Variants in CD58 observed in about 807,000 individuals in gnomAD.
CD58 encodes the protein CD58 molecule, also known as lymphocyte function-associated antigen 3.
CD58 carries 14 observed loss-of-function variants against 27.6 expected under a neutral mutation model. That is an observed-to-expected ratio of 0.51 (90% CI 0.34 to 0.79). The LOEUF (loss-of-function observed/expected upper bound fraction) is 0.79, where lower values mean the gene tolerates loss of function less well. Among genes scored for constraint, CD58 ranks in the 30% least tolerant of loss-of-function variants. CD58 has a pLI of 0.02. For synonymous variants in CD58, 117 were observed against 103.8 expected (o/e 1.13, Z -0.77); for missense variants, 268 against 301.7 (o/e 0.89, Z 0.83).
chr1:116,520,706 T>C (rs1247413636), intron 4 of CD58, among the ~76,000 whole-genome samples: 1 of 152,108 alleles, frequency 6.6e-6, no homozygotes, highest in Non-Finnish European at 1.5e-5. Context: ...ATTTGGGGAT[T>C]AAAATAGATT....
intron 2 of CD58, among the ~76,000 whole-genome samples, chr1:116,543,171 G>A (rs1436099383): frequency 6.6e-6 from 1 of 152,172 alleles, no homozygotes; most frequent in African/African-American, 2.4e-5. Flanking sequence ...AAAGGAGCAA[G>A]GAAGCTAAGT....
chr1:116,535,952 G>C lies in CD58; in HGVS notation c.628+13C>G. 6.3e-7 allele frequency: 1 copy of C among 1,581,472 alleles called. No individual in the cohort carries two copies. The highest frequency in any genetic ancestry group is 8.6e-7 in the Non-Finnish European group (1 of 1,160,688). On this transcript the variant is annotated intron_variant, in intron 3 of 5. Coordinates refer to ENST00000369489, the MANE Select transcript of CD58 (RefSeq NM_001779.3). ...TCTGAAAGCCTCCATGACACATTTA[G>C]TTATTTACTCACCGCTGCTTGGGAT...
chr1:116,539,187 G>A (rs976142548), intron 2 of CD58, among the ~76,000 whole-genome samples: 2 of 152,172 alleles, frequency 1.3e-5, no homozygotes, highest in Non-Finnish European at 2.9e-5. Flanking sequence ...AGCTGTAATA[G>A]AGCACACGGC....
Position 116,563,620 on chromosome 1 carries a change from C to T in CD58, c.70+7283G>A, listed in dbSNP as rs991428939. 6.6e-6 allele frequency among the ~76,000 whole-genome samples: 1 copy of T among 152,244 alleles called. No homozygotes were observed. Among genetic ancestry groups the T allele is most frequent in the Non-Finnish European group, 1.5e-5 (1 of 68,036 alleles). Reference sequence around the variant, plus strand: ...GACTTCTGTGCATCCACAGGCCCAACACCACATGTAAGCCACCAAGGCTTA... The same window carrying T: ...GACTTCTGTGCATCCACAGGCCCAATACCACATGTAAGCCACCAAGGCTTA... On this transcript the variant is annotated intron_variant, in intron 1 of 5. Transcript: ENST00000369489. The surrounding 1 kb of genome is among the most constrained non-coding windows in gnomAD (Gnocchi z 4.1).
chr1:116,546,475 G>C lies in CD58; in HGVS notation c.71-1871C>G, dbSNP rs974668845. Among the ~76,000 whole-genome samples the C allele has an allele frequency of 3.9e-5, 6 of 152,168 alleles. No individual in the cohort carries two copies. The East Asian group carries it at 1.2e-3, about 29-fold the overall frequency. ...TATGCATTATTTCCTCCACTCAACA[G>C]AGTATGTGGGAAGGCACAAGAAAAA... On this transcript the variant is annotated intron_variant, in intron 1 of 5. Transcript: ENST00000369489. The surrounding 1 kb of genome is among the most constrained non-coding windows in gnomAD (Gnocchi z 4.1).
rs574737383 is a variant in CD58, at chr1:116,564,252, T to C, written c.70+6651A>G. The stretch of plus-strand genomic sequence containing the variant: ...TCCAGTTCCCAACAATTGTTCCTCA[T>C]CTCCATCTGAGATGAGCAGCATTTG... On this transcript the variant is annotated intron_variant, in intron 1 of 5. Transcript: ENST00000369489. Among the ~76,000 whole-genome samples, 13 of 152,302 alleles carry C rather than the reference T, an allele frequency of 8.5e-5. No individual in the cohort carries two copies. The South Asian group carries it at 2.7e-3, about 32-fold the overall frequency.
In CD58 at chr1:116,517,110, C is replaced by T. The variant is rs771525368; in HGVS notation, c.743+2121G>A. On this transcript the variant is annotated intron_variant, in intron 5 of 5. Transcript: ENST00000369489. This position sits in a 1 kb window ranked among gnomAD's most constrained non-coding sequence, Gnocchi z 6.5. ...TCATTGGTAGTGATGGCTATGCCTC[C>T]CCCATCCACTCAGAGTTCCCCTCCA... Among the ~76,000 whole-genome samples the T allele has an allele frequency of 7.9e-5, 12 of 152,060 alleles. No homozygotes were observed. The highest frequency in any genetic ancestry group is 1.0e-4 in the Non-Finnish European group (7 of 68,010).
chr1:116,529,534 C>CT (rs1446221112), intron 3 of CD58, among the ~76,000 whole-genome samples: 1 of 152,196 alleles, frequency 6.6e-6, no homozygotes, highest in East Asian at 1.9e-4. Flanking sequence ...AGACACAGTG[C>CT]TTTGAGTTCA....
chr1:116,548,413 G>C (rs1252028548), intron 1 of CD58, among the ~76,000 whole-genome samples: 1 of 152,136 alleles, frequency 6.6e-6, no homozygotes, highest in Non-Finnish European at 1.5e-5. Flanking sequence ...TTATCTTCTA[G>C]AATTTTTATG....
chr1:116,525,520 A>G (rs761509597), intron 3 of CD58, among the ~76,000 whole-genome samples: 24 of 152,242 alleles, frequency 1.6e-4, no homozygotes, highest in Non-Finnish European at 3.1e-4. Context: ...TTATGTCAAC[A>G]TAAGTTTTTA....
rs892062335 is a variant in CD58 at position 116,517,128 on chromosome 1, C to T, written c.743+2103G>A. On this transcript the variant is annotated intron_variant, in intron 5 of 5. Coordinates refer to ENST00000369489, the MANE Select transcript of CD58 (RefSeq NM_001779.3). The surrounding 1 kb of genome is among the most constrained non-coding windows in gnomAD (Gnocchi z 6.5). ...ATGCCTCCCCCATCCACTCAGAGTTCCCCTCCACTGTAACCACCTAGATCT... is the reference window on the plus strand; with the variant it reads ...ATGCCTCCCCCATCCACTCAGAGTTTCCCTCCACTGTAACCACCTAGATCT... Among the ~76,000 whole-genome samples, 1 of 151,994 alleles carries T rather than the reference C, an allele frequency of 6.6e-6. No individual in the cohort carries two copies. The highest frequency in any genetic ancestry group is 2.4e-5 in the African/African-American group (1 of 41,334).
At position 116,516,700 on chromosome 1, in the gene CD58, C is replaced by T. The variant is rs2101150007; in HGVS notation, c.744-1878G>A. 6.6e-6 allele frequency among the ~76,000 whole-genome samples: 1 copy of T among 152,322 alleles called. No homozygotes were observed. Among genetic ancestry groups the T allele is most frequent in the African/African-American group, 2.4e-5 (1 of 41,572 alleles). Reference sequence around the variant, plus strand: ...AAATGTAGGTCACATCCTACCCCCTCCAAAGCTTTTCTGATTATTCTGGCC... The same window carrying T: ...AAATGTAGGTCACATCCTACCCCCTTCAAAGCTTTTCTGATTATTCTGGCC... On this transcript the variant is annotated intron_variant, in intron 5 of 5. Transcript: ENST00000369489. The surrounding 1 kb of genome is among the most constrained non-coding windows in gnomAD (Gnocchi z 6.1).
chr1:116,540,246 T>G (rs1657948518), intron 2 of CD58, among the ~76,000 whole-genome samples: 2 of 152,162 alleles, frequency 1.3e-5, no homozygotes, highest in African/African-American at 4.8e-5. Flanking sequence ...GTCCAAAATA[T>G]GCTCACTGGA....
At chr1:116,545,157 C>A (rs12044852) in intron 1 of CD58, among the ~76,000 whole-genome samples, 19,956 of 152,026 alleles carry the variant, frequency 0.13, 2,183 homozygotes, top group East Asian at 0.57. Flanking sequence ...TTCCTAACAG[C>A]TAGAATGAGG....
rs1288798656 is a variant in CD58 at position 116,532,101 on chromosome 1, G to C, written c.628+3864C>G. 6.6e-6 allele frequency among the ~76,000 whole-genome samples: 1 copy of C among 152,216 alleles called. No individual in the cohort carries two copies. Among genetic ancestry groups the C allele is most frequent in the Non-Finnish European group, 1.5e-5 (1 of 68,028 alleles). ...GAGAACACTGCCGAATCCCAACTCC[G>C]GCAGCAGGGCGGTGCCTGTGTCACG... On this transcript the variant is annotated intron_variant, in intron 3 of 5. Coordinates refer to ENST00000369489, the MANE Select transcript of CD58 (RefSeq NM_001779.3). The surrounding 1 kb of genome is among the most constrained non-coding windows in gnomAD (Gnocchi z 5.1).
intron 5 of CD58, among the ~76,000 whole-genome samples, chr1:116,518,309 A>C (rs1216529469): frequency 6.6e-6 from 1 of 151,752 alleles, no homozygotes; most frequent in Non-Finnish European, 1.5e-5. Context: ...TGCCACCATC[A>C]CCTTGACTCA....
chr1:116,553,206 T>C (rs1658451014), intron 1 of CD58, among the ~76,000 whole-genome samples: 1 of 152,140 alleles, frequency 6.6e-6, no homozygotes, highest in Non-Finnish European at 1.5e-5. Flanking sequence ...ATATGTTATA[T>C]ATTTTTATCT....
At position 116,524,856 on chromosome 1, in the gene CD58, G is replaced by A. The variant is rs1657381049; in HGVS notation, c.629-2873C>T. ...AACACTTGGAATGGTTCCTCTATTT[G>A]GGGTTATTCCACAAACTTGATTCAT... On this transcript the variant is annotated intron_variant, in intron 3 of 5. Coordinates refer to ENST00000369489, the MANE Select transcript of CD58 (RefSeq NM_001779.3). This position sits in a 1 kb window ranked among gnomAD's most constrained non-coding sequence, Gnocchi z 4.6. Among the ~76,000 whole-genome samples the A allele has an allele frequency of 6.6e-6, 1 of 152,064 alleles. No homozygotes were observed. Among genetic ancestry groups the A allele is most frequent in the Non-Finnish European group, 1.5e-5 (1 of 68,008 alleles).
At chr1:116,555,278 A>C (rs1204541731) in intron 1 of CD58, among the ~76,000 whole-genome samples, 1 of 152,068 alleles carries the variant, frequency 6.6e-6, no homozygotes, top group African/African-American at 2.4e-5. Flanking sequence ...CCCACCATAA[A>C]AGATTGTTTT....
Sources: gnomAD v4.1 joint callset for allele counts (sites outside exome capture counted in the v4.1 genomes callset) on GRCh38, gnomAD v4.1.1 for gene constraint, Gnocchi (gnomAD v3.1) non-coding constraint, MANE v1.5 for transcripts, NCBI Gene and HGNC (gene_info 2026-07-23, HGNC 2026-07-21) for gene names.